The following HDAC9 variants were observed in gnomAD, a reference collection of about 807,000 sequenced individuals.
HDAC9 encodes histone deacetylase 9, also known as MEF-2 interacting transcription repressor (MITR) protein.
HDAC9 carries 41 observed loss-of-function variants against 139.4 expected under a neutral mutation model. The ratio of observed to expected loss-of-function variants is 0.29; its 90% confidence interval spans 0.23 to 0.38. The LOEUF (loss-of-function observed/expected upper bound fraction) is 0.38, where lower values mean the gene tolerates loss of function less well. Ranked by LOEUF, HDAC9 falls within the 10% of genes least tolerant of loss-of-function variation. The pLI is 1.00. For missense variants in HDAC9, 1,147 were observed against 1,297.0 expected, an observed-to-expected ratio of 0.88 and a Z score of 1.78; for synonymous variants, 517 against 476.2, an observed-to-expected ratio of 1.09 and a Z score of -1.12.
intron 25 of HDAC9, among the ~76,000 whole-genome samples, chr7:18,976,417 T>C (rs969603650): frequency 7.2e-5 from 11 of 152,128 alleles, no homozygotes; most frequent in Non-Finnish European, 1.2e-4. Context: ...ACATACACAC[T>C]CCTTACGTGG....
intron 21 of HDAC9, among the ~76,000 whole-genome samples, chr7:18,855,552 G>A (rs766867254): frequency 6.6e-5 from 10 of 151,848 alleles, no homozygotes; most frequent in Non-Finnish European, 4.4e-5. Flanking sequence ...CACTGACTGT[G>A]TTTAGGCATG....
intron 1 of HDAC9, among the ~76,000 whole-genome samples, chr7:18,332,441 A>T (rs561732949): frequency 1.3e-5 from 2 of 151,488 alleles, no homozygotes; most frequent in Non-Finnish European, 3.0e-5. Flanking sequence ...CTCATCACTT[A>T]AGCTTGACTG....
intron 2 of HDAC9, among the ~76,000 whole-genome samples, chr7:18,548,509 A>G (rs1815975191): frequency 6.6e-6 from 1 of 152,192 alleles, no homozygotes; most frequent in East Asian, 1.9e-4. Context: ...AAAATGAGAT[A>G]TGTCTGTAGT....
Position 18,452,219 on chromosome 7 carries a change from C to T in HDAC9, c.-41-44043C>T, listed in dbSNP as rs1218822334. On this transcript the variant is annotated intron_variant, in intron 1 of 3. Transcript: ENST00000413509. Reference sequence around the variant, plus strand: ...TGGTAGCCACACACTCCCTGAGCCTCATGTAGTGATCTTTCAAGACCAGGA... The same window carrying T: ...TGGTAGCCACACACTCCCTGAGCCTTATGTAGTGATCTTTCAAGACCAGGA... Among the ~76,000 whole-genome samples the T allele has an allele frequency of 4.6e-5, 7 of 152,126 alleles. No individual in the cohort carries two copies. In the East Asian group the frequency reaches 1.4e-3, roughly 29 times the overall value.
chr7:18,322,993 T>TC (rs1800142624), intron 1 of HDAC9, among the ~76,000 whole-genome samples: 1 of 152,046 alleles, frequency 6.6e-6, no homozygotes, highest in African/African-American at 2.4e-5. Context: ...GGAAAAGAAC[T>TC]CCATTACTAA....
intron 1 of HDAC9, among the ~76,000 whole-genome samples, chr7:18,134,608 G>C (rs894078928): frequency 9.9e-5 from 15 of 152,272 alleles, no homozygotes; most frequent in African/African-American, 3.6e-4. Context: ...TATCAACATA[G>C]TGAACAACAT....
chr7:18,248,841 T>G (rs1203613288), intron 2 of HDAC9, among the ~76,000 whole-genome samples: 1 of 152,242 alleles, frequency 6.6e-6, no homozygotes, highest in Non-Finnish European at 1.5e-5. Flanking sequence ...CAGCGATTTA[T>G]TCATTCAGTC....
At chr7:18,683,309 G>A (rs774128732) in intron 12 of HDAC9, among the ~76,000 whole-genome samples, 35 of 151,946 alleles carry the variant, frequency 2.3e-4, no homozygotes, top group Admixed American at 1.6e-3. Flanking sequence ...ATACAGTGTC[G>A]TTTGTGCCAC....
chr7:18,210,727 G>C (rs1791881352), intron 2 of HDAC9, among the ~76,000 whole-genome samples: 2 of 152,128 alleles, frequency 1.3e-5, no homozygotes, highest in African/African-American at 4.8e-5. Flanking sequence ...TCTACTTCTA[G>C]ATTTGGACAT....
At chr7:18,237,918 G>A (rs1278864738) in intron 2 of HDAC9, among the ~76,000 whole-genome samples, 1 of 152,198 alleles carries the variant, frequency 6.6e-6, no homozygotes, top group Non-Finnish European at 1.5e-5. Context: ...ATCATCAGAA[G>A]CAGACAGCTG....
intron 1 of HDAC9, among the ~76,000 whole-genome samples, chr7:18,485,460 A>G (rs1468160560): frequency 6.7e-6 from 1 of 149,754 alleles, no homozygotes. Flanking sequence ...TATTTATTAT[A>G]TATATTTATT....
chr7:18,514,225 A>AAG (rs1404580772), intron 2 of HDAC9, among the ~76,000 whole-genome samples: 6 of 152,304 alleles, frequency 3.9e-5, no homozygotes, highest in African/African-American at 1.4e-4. Flanking sequence ...TCTCTGTAGC[A>AAG]AGTTATGTCA....
intron 25 of HDAC9, among the ~76,000 whole-genome samples, chr7:18,989,148 C>A (rs963683526): frequency 4.1e-5 from 6 of 147,672 alleles, no homozygotes; most frequent in Admixed American, 4.1e-4. Context: ...GATGCAGTTT[C>A]TTCCTAGTCT....
intron 1 of HDAC9, among the ~76,000 whole-genome samples, chr7:18,106,704 G>A (rs1447259041): frequency 6.6e-6 from 1 of 152,102 alleles, no homozygotes; most frequent in East Asian, 1.9e-4. Context: ...TCTGCCTGCT[G>A]CAGCCTCCCA....
intron 1 of HDAC9, among the ~76,000 whole-genome samples, chr7:18,388,429 G>A (rs983757278): frequency 6.6e-6 from 1 of 152,206 alleles, no homozygotes; most frequent in African/African-American, 2.4e-5. Flanking sequence ...TGAGGATAGA[G>A]GAGAAGGGAA....
At chr7:18,627,284 C>T (rs548901005) in intron 6 of HDAC9, among the ~76,000 whole-genome samples, 9 of 152,286 alleles carry the variant, frequency 5.9e-5, no homozygotes, top group Non-Finnish European at 1.0e-4. Context: ...TGCCAGTTTG[C>T]AGCATTTAAT....
intron 2 of HDAC9, among the ~76,000 whole-genome samples, chr7:18,564,950 A>G (rs1190990915): frequency 6.8e-6 from 1 of 147,400 alleles, no homozygotes; most frequent in Admixed American, 7.0e-5. Context: ...CCAGCATCAA[A>G]TAAATGTATT....
At chr7:18,311,484 C>T (rs185695051) in intron 1 of HDAC9, among the ~76,000 whole-genome samples, 2 of 151,900 alleles carry the variant, frequency 1.3e-5, no homozygotes, top group Admixed American at 6.6e-5. Context: ...ATAGTCACAG[C>T]CTGCAGAATA....
intron 1 of HDAC9, among the ~76,000 whole-genome samples, chr7:18,353,770 T>C (rs1783039760): frequency 6.6e-6 from 1 of 152,216 alleles, no homozygotes; most frequent in East Asian, 1.9e-4. Context: ...CTTTGTGTTT[T>C]ATAGTGAAGT....
Sources: gnomAD v4.1 joint callset for allele counts (sites outside exome capture counted in the v4.1 genomes callset) on GRCh38, gnomAD v4.1.1 for gene constraint, MANE v1.5 for transcripts, NCBI Gene and HGNC (gene_info 2026-07-23, HGNC 2026-07-21) for gene names.